Variants in SUMF1 observed in about 807,000 individuals in gnomAD.
SUMF1 encodes sulfatase modifying factor 1.
SUMF1 carries 48 observed loss-of-function variants against 47.6 expected under a neutral mutation model. The ratio of observed to expected loss-of-function variants is 1.01; its 90% CI spans 0.80 to 1.28. SUMF1 has a LOEUF of 1.28. Ranked by LOEUF, SUMF1 falls within the 50% of genes most tolerant of loss-of-function variation. The probability of loss-of-function intolerance (pLI) is 0.00; values close to 1 mark genes in which losing one functional copy is unlikely to be tolerated. For synonymous variants in SUMF1, 230 were observed against 192.1 expected (o/e 1.20, Z -1.63); for missense variants, 571 against 485.4 (o/e 1.18, Z -1.66).
At chr3:4,131,790 G>T (rs1574911001) in intron 8 of SUMF1, among the ~76,000 whole-genome samples, 3 of 152,072 alleles carry the variant, frequency 2.0e-5, no homozygotes, top group African/African-American at 7.2e-5. Context: ...AGCAGAAGAG[G>T]ATTTTAATAA....
intron 7 of SUMF1, among the ~76,000 whole-genome samples, chr3:4,391,451 G>T (rs554309054): frequency 2.0e-5 from 3 of 152,146 alleles, no homozygotes; most frequent in African/African-American, 7.2e-5. Context: ...GGGCTGTCTT[G>T]ATTTTTCTCT....
At chr3:4,438,545 G>A (rs182995168) in intron 3 of SUMF1, among the ~76,000 whole-genome samples, 11 of 152,288 alleles carry the variant, frequency 7.2e-5, no homozygotes, top group Admixed American at 7.2e-4. Flanking sequence ...TAGGCCAGTT[G>A]AGCCAGAACC....
intron 8 of SUMF1, among the ~76,000 whole-genome samples, chr3:4,292,947 T>C (rs552560113): frequency 1.3e-5 from 2 of 152,326 alleles, no homozygotes; most frequent in African/African-American, 4.8e-5. Flanking sequence ...AATGTTCTTC[T>C]AAGCTAAGCT....
intron 8 of SUMF1, among the ~76,000 whole-genome samples, chr3:4,219,695 A>C (rs1696019113): frequency 6.6e-6 from 1 of 152,100 alleles, no homozygotes; most frequent in Non-Finnish European, 1.5e-5. Flanking sequence ...AGTTTTTCTC[A>C]ATATTGTTTC....
intron 8 of SUMF1, among the ~76,000 whole-genome samples, chr3:4,249,319 G>C (rs910981866): frequency 6.6e-6 from 1 of 151,986 alleles, no homozygotes; most frequent in Non-Finnish European, 1.5e-5. Context: ...ATATTTCATT[G>C]TTTACAAATT....
chr3:4,199,401 C>T (rs1695495275), intron 8 of SUMF1, among the ~76,000 whole-genome samples: 2 of 152,056 alleles, frequency 1.3e-5, no homozygotes, highest in Admixed American at 1.3e-4. Flanking sequence ...TTTACGTTGT[C>T]CAACTTTGAG....
chr3:4,313,465 C>T (rs767822720), intron 8 of SUMF1: 7 of 1,613,900 alleles, frequency 4.3e-6, no homozygotes, highest in Non-Finnish European at 5.9e-6. Context: ...CTCAATGGTA[C>T]CTAAGTTGGC....
intron 8 of SUMF1, among the ~76,000 whole-genome samples, chr3:4,068,907 G>A (rs1428738463): frequency 6.6e-6 from 1 of 152,138 alleles, no homozygotes; most frequent in Non-Finnish European, 1.5e-5. Flanking sequence ...ATGATTAAGT[G>A]TCTTGCCCCA....
chr3:4,229,391 C>G (rs749772567), intron 8 of SUMF1: 10 of 388,670 alleles, frequency 2.6e-5, no homozygotes, highest in Non-Finnish European at 4.6e-5. Flanking sequence ...AGAGAAACCA[C>G]AAGAGCATGT....
intron 8 of SUMF1, chr3:4,313,862 T>A (rs147603253): frequency 1.8e-5 from 28 of 1,554,742 alleles, no homozygotes; most frequent in Non-Finnish European, 2.3e-5. Flanking sequence ...AACTCAGGAA[T>A]GTGGCAGAGA....
At chr3:4,335,960 C>CAAAAAAAACAAAAAAAAAAAAAAAAA (rs5846319) in intron 8 of SUMF1, among the ~76,000 whole-genome samples, 6 of 73,876 alleles carry the variant, frequency 8.1e-5, no homozygotes, top group African/African-American at 1.4e-4. Context: ...GATTCCAACT[C>CAAAAAAAACAAAAAAAAAAAAAAAAA]AAAAAAAAAA....
At chr3:4,210,540 A>T (rs1695756998) in intron 8 of SUMF1, among the ~76,000 whole-genome samples, 1 of 152,168 alleles carries the variant, frequency 6.6e-6, no homozygotes, top group Non-Finnish European at 1.5e-5. Flanking sequence ...CAGTCCCCAT[A>T]AATGGTGCTG....
chr3:4,176,887 T>A (rs541211786), intron 8 of SUMF1, among the ~76,000 whole-genome samples: 15 of 152,194 alleles, frequency 9.9e-5, no homozygotes, highest in Middle Eastern at 6.8e-3. Context: ...GGGGTTGCAA[T>A]CCTCATCTCT....
chr3:4,272,950 C>T (rs184018571), intron 8 of SUMF1, among the ~76,000 whole-genome samples: 1 of 151,980 alleles, frequency 6.6e-6, no homozygotes, highest in East Asian at 1.9e-4. Context: ...TGTTACGCAC[C>T]TGTAGTCCTG....
chr3:4,159,056 ATCTT>A (rs1694515957), intron 8 of SUMF1, among the ~76,000 whole-genome samples: 1 of 151,362 alleles, frequency 6.6e-6, no homozygotes, highest in Non-Finnish European at 1.5e-5. Context: ...TCATCTTTTC[ATCTT>A]TCTACTTCGA....
chr3:4,207,811 A>G (rs1695686105), intron 8 of SUMF1, among the ~76,000 whole-genome samples: 1 of 152,192 alleles, frequency 6.6e-6, no homozygotes, highest in African/African-American at 2.4e-5. Context: ...ACAACTTACT[A>G]GAACAGAAAC....
chr3:4,217,521 T>TATATATATATATAA, intron 8 of SUMF1, among the ~76,000 whole-genome samples: 1 of 77,020 alleles, frequency 1.3e-5, no homozygotes. Flanking sequence ...TTTTTATATA[T>TATATATATATATAA]ATATATATAT....
At chr3:4,443,766 AAAAAAG>A (rs1702685707) in intron 3 of SUMF1, among the ~76,000 whole-genome samples, 1 of 152,212 alleles carries the variant, frequency 6.6e-6, no homozygotes, top group Non-Finnish European at 1.5e-5. Context: ...CCCCTTCTCA[AAAAAAG>A]AAAAAGAAAA....
chr3:4,348,721 A>G (rs1434642171), intron 8 of SUMF1, among the ~76,000 whole-genome samples: 12 of 151,804 alleles, frequency 7.9e-5, no homozygotes, highest in African/African-American at 2.7e-4. Flanking sequence ...AAAAAAAAAA[A>G]AAAATTAGCC....
Sources: allele counts gnomAD v4.1 joint callset (sites outside exome capture counted in the v4.1 genomes callset), GRCh38; gene constraint gnomAD v4.1.1; transcripts MANE v1.5; gene names NCBI Gene and HGNC (gene_info 2026-07-23, HGNC 2026-07-21).